The following MYRIP variants were observed in gnomAD, a reference collection of about 807,000 sequenced individuals.
MYRIP encodes the protein rab effector MyRIP.
MYRIP carries 49 observed loss-of-function variants against 98.0 expected under a neutral mutation model. The ratio of observed to expected loss-of-function variants is 0.50; its 90% CI spans 0.40 to 0.63. MYRIP has a LOEUF of 0.63. Among genes scored for constraint, MYRIP ranks in the 30% least tolerant of loss-of-function variants. The pLI is 0.00. For synonymous variants in MYRIP, 404 were observed against 409.5 expected, an observed-to-expected ratio of 0.99 and a Z score of 0.16; for missense variants, 1,004 against 1,058.2, an observed-to-expected ratio of 0.95 and a Z score of 0.71.
chr3:40,167,022 A>T, intron 6 of MYRIP, 79 bp downstream of exon 6: 2 of 1,386,304 alleles, frequency 1.4e-6, no homozygotes, highest in Non-Finnish European at 2.1e-6. Flanking sequence ...GCAGGTTGTC[A>T]GGAAATCAAT....
chr3:40,117,137 A>G (rs2125907238), intron 3 of MYRIP, among the ~76,000 whole-genome samples: 1 of 152,328 alleles, frequency 6.6e-6, no homozygotes, highest in Non-Finnish European at 1.5e-5. Context: ...TTGTAAAATA[A>G]AAGTTTGTTA....
chr3:39,967,525 T>C (rs6599068), intron 2 of MYRIP, among the ~76,000 whole-genome samples: 30,968 of 152,176 alleles, frequency 0.2, 6,314 homozygotes, highest in African/African-American at 0.52. Flanking sequence ...TTTGCTATTG[T>C]GAGTAATGCT....
intron 2 of MYRIP, among the ~76,000 whole-genome samples, chr3:40,043,826 A>T (rs1376032089): frequency 1.3e-5 from 2 of 152,252 alleles, no homozygotes; most frequent in African/African-American, 4.8e-5. Context: ...GCTTTCTCAT[A>T]GAAAATCTGA....
chr3:40,140,249 A>G (rs1165212845), intron 3 of MYRIP, among the ~76,000 whole-genome samples: 1 of 152,210 alleles, frequency 6.6e-6, no homozygotes, highest in Non-Finnish European at 1.5e-5. Flanking sequence ...AACTGTTTTT[A>G]CTAGCAACAT....
chr3:39,887,719 G>T (rs1354961065), intron 1 of MYRIP, among the ~76,000 whole-genome samples: 3 of 152,196 alleles, frequency 2.0e-5, no homozygotes, highest in African/African-American at 4.8e-5. Flanking sequence ...ATTCAATTAG[G>T]AAAACAGGAA....
At chr3:39,979,657 A>G (rs1420315511) in intron 2 of MYRIP, among the ~76,000 whole-genome samples, 142 of 86,350 alleles carry the variant, frequency 1.6e-3, no homozygotes, top group African/African-American at 4.0e-3. Flanking sequence ...AAACAAAACA[A>G]AAAAAAAAAA....
chr3:39,963,859 A>C (rs1945380496), intron 2 of MYRIP, among the ~76,000 whole-genome samples: 1 of 152,150 alleles, frequency 6.6e-6, no homozygotes, highest in Non-Finnish European at 1.5e-5. Context: ...ATATGTTAGA[A>C]ATCTACATTT....
intron 2 of MYRIP, among the ~76,000 whole-genome samples, chr3:40,037,003 A>C (rs1324056481): frequency 7.2e-6 from 1 of 137,982 alleles, no homozygotes; most frequent in African/African-American, 2.5e-5. Flanking sequence ...ATAATGAAAA[A>C]ACACAGAGAG....
chr3:39,892,259 G>A (rs990848071), intron 1 of MYRIP, among the ~76,000 whole-genome samples: 4 of 152,108 alleles, frequency 2.6e-5, no homozygotes, highest in Non-Finnish European at 5.9e-5. Flanking sequence ...GAAATCAGGC[G>A]AGGTTGTGGG....
intron 4 of MYRIP, among the ~76,000 whole-genome samples, chr3:40,157,098 T>C (rs1950261953): frequency 6.8e-6 from 1 of 148,030 alleles, no homozygotes; most frequent in Admixed American, 6.7e-5. Context: ...TGCTTCCAGT[T>C]TTTGCCCATT....
In MYRIP at chr3:40,108,210, AGAGG is replaced by A. The variant is rs1455038140; in HGVS notation, c.333-42836_333-42833del. On this transcript the variant is annotated intron_variant, in intron 3 of 16. Transcript: ENST00000302541. ...GAGAGAGAGAGAGAGAGAGAGAGAGAGAGGGTGAGTCGAAGATGGCACTCACTGA... is the reference window on the plus strand; with the variant it reads ...GAGAGAGAGAGAGAGAGAGAGAGAGAGTGAGTCGAAGATGGCACTCACTGA... Among the ~76,000 whole-genome samples the A allele has an allele frequency of 4.5e-4, 63 of 140,560 alleles. 1 individual carries two copies. The highest frequency in any genetic ancestry group is 3.0e-3 in the Admixed American group (42 of 13,892). The allele number at this position is 140,560 out of a possible 152,430, so 92.2% of individuals were successfully genotyped here.
intron 10 of MYRIP, among the ~76,000 whole-genome samples, chr3:40,191,980 A>G (rs1951223604): frequency 1.3e-5 from 2 of 152,052 alleles, no homozygotes; most frequent in East Asian, 1.9e-4. Flanking sequence ...CTTGCAAGGC[A>G]TTGATAGAGA....
chr3:40,242,905 AT>A (rs1182413286), intron 12 of MYRIP, among the ~76,000 whole-genome samples: 2 of 151,972 alleles, frequency 1.3e-5, no homozygotes, highest in Non-Finnish European at 2.9e-5. Context: ...TTTGTGATAC[AT>A]TATTTGAATA....
chr3:40,106,166 G>A (rs1230529005), intron 3 of MYRIP, among the ~76,000 whole-genome samples: 1 of 151,946 alleles, frequency 6.6e-6, no homozygotes, highest in Admixed American at 6.6e-5. Flanking sequence ...TAATAATAAA[G>A]TGAATATCCA....
intron 2 of MYRIP, among the ~76,000 whole-genome samples, chr3:40,003,043 T>TAA (rs35738487): frequency 6.6e-6 from 1 of 151,008 alleles, no homozygotes; most frequent in East Asian, 1.9e-4. Context: ...TATCTATAGA[T>TAA]ATAGAGACAG....
At chr3:40,162,305 T>C (rs1246672919) in intron 4 of MYRIP, among the ~76,000 whole-genome samples, 1 of 152,188 alleles carries the variant, frequency 6.6e-6, no homozygotes, top group African/African-American at 2.4e-5. Context: ...GTACCCCTAA[T>C]ACCTAGGCCA....
intron 3 of MYRIP, among the ~76,000 whole-genome samples, chr3:40,127,781 G>A (rs924146763): frequency 6.6e-6 from 1 of 152,154 alleles, no homozygotes; most frequent in Non-Finnish European, 1.5e-5. Flanking sequence ...CGTATTTCCT[G>A]TCTCTCTGCC....
chr3:39,879,519 T>C (rs1943106746), intron 1 of MYRIP, among the ~76,000 whole-genome samples: 1 of 152,200 alleles, frequency 6.6e-6, no homozygotes, highest in South Asian at 2.1e-4. Context: ...GGCAGTTAAA[T>C]CATCTTCATT....
chr3:40,169,232 C>T (rs1950560338), intron 7 of MYRIP, among the ~76,000 whole-genome samples: 1 of 152,150 alleles, frequency 6.6e-6, no homozygotes, highest in Admixed American at 6.5e-5. Context: ...CCCCACCCTG[C>T]CATGGGAGAT....
Sources: allele counts gnomAD v4.1 joint callset (sites outside exome capture counted in the v4.1 genomes callset), GRCh38; gene constraint gnomAD v4.1.1; transcripts MANE v1.5; gene names NCBI Gene and HGNC (gene_info 2026-07-23, HGNC 2026-07-21).